Variants in FH observed in about 807,000 individuals in gnomAD.
FH encodes fumarate hydratase, also known as fumarate hydratase, mitochondrial.
Under a neutral mutation model 49.4 loss-of-function variants are expected in FH, and 22 were observed. The ratio of observed to expected loss-of-function variants is 0.45; its 90% CI spans 0.32 to 0.64. FH has a LOEUF of 0.64. FH is among the 30% of genes least tolerant of loss of function. The pLI, the probability that FH is intolerant of heterozygous loss-of-function variation, is 0.05. For synonymous variants in FH, 208 were observed against 223.0 expected (o/e 0.93, Z 0.60); for missense variants, 526 against 641.5 (o/e 0.82, Z 1.95).
At position 241,500,545 on chromosome 1, in the gene FH, C is replaced by G. The variant is rs1558396381; in HGVS notation, c.1282G>C (p.Val428Leu). 8 of 1,612,372 alleles carry G rather than the reference C, an allele frequency of 5.0e-6. No individual in the cohort carries two copies. Among genetic ancestry groups the G allele is most frequent in the Admixed American group, 3.3e-5 (2 of 59,758 alleles). ...HSARLLGDASVSFTENCVVGI... is the reference protein window; with the variant it reads ...HSARLLGDASLSFTENCVVGI... ...ACCACGCAGTTTTCTGTAAAGGAAA[C>G]TGAAGCATCCCCCAGCAGCCTGGCT... The change falls in exon 9 of 10, where the codon GTT (valine) becomes CTT (leucine). Residue 428 changes from valine (V) to leucine (L), a missense_variant. By Grantham distance (32) the Val-to-Leu change is conservative. Coordinates refer to ENST00000366560, the MANE Select transcript of FH (RefSeq NM_000143.4).
Position 241,500,737 on chromosome 1 carries a change from T to G in FH, c.1237-147A>C, listed in dbSNP as rs1004260118. ...TAAACATATAGATCTTCTACAAATT[T>G]TAAGGCACTATAACCAAGGAAACAA... On this transcript the variant is annotated intron_variant, in intron 8 of 9. Transcript: ENST00000366560. 4.3e-6 allele frequency: 5 copies of G among 1,160,266 alleles called. No individual in the cohort carries two copies. In the African/African-American group the frequency reaches 7.8e-5, roughly 18 times the overall value. 71.9% of individuals were successfully genotyped at this position (1,160,266 alleles called of 1,614,324 possible).
At chr1:241,504,984 T>A (rs771380838) in intron 6 of FH, among the ~76,000 whole-genome samples, 1 of 151,364 alleles carries the variant, frequency 6.6e-6, no homozygotes, top group South Asian at 2.1e-4. Flanking sequence ...TCTTGGCTCA[T>A]TGCAACCTCC....
At chr1:241,519,432 C>T (rs2147926647) in intron 1 of FH, 159 bp downstream of exon 1, 2 of 873,192 alleles carry the variant, frequency 2.3e-6, no homozygotes, top group South Asian at 2.0e-5. Context: ...CGTCCCGAGG[C>T]CGGGAGGCCC....
Position 241,512,105 on chromosome 1 carries a change from C to T in FH, c.417G>A (p.Val139=), listed in dbSNP as rs768341401. ...EGKLNDHFPL[V]VWQTGSGTQT... Reference sequence around the variant, plus strand: ...GAGTTCCTGATCCAGTCTGCCATACCACGAGAGGAAAATGATCATTTAATT... The same window carrying T: ...GAGTTCCTGATCCAGTCTGCCATACTACGAGAGGAAAATGATCATTTAATT... The change falls in exon 4 of 10, where the codon GTG becomes GTA. Residue 139 remains valine, a synonymous_variant. Coordinates refer to ENST00000366560, the MANE Select transcript of FH (RefSeq NM_000143.4). 2 of 1,613,788 alleles carry T rather than the reference C, an allele frequency of 1.2e-6. No homozygotes were observed. The highest frequency in any genetic ancestry group is 1.7e-6 in the Non-Finnish European group (2 of 1,179,848).
intron 5 of FH, 92 bp from the exon 6 acceptor site, chr1:241,506,260 C>T: frequency 1.1e-6 from 1 of 950,508 alleles, no homozygotes; most frequent in Non-Finnish European, 1.6e-6. Flanking sequence ...TTTAAAAATA[C>T]CTTTCAGAAT....
intron 9 of FH, 22 bp from the exon 10 acceptor site, chr1:241,497,992 G>C: frequency 6.2e-7 from 1 of 1,613,228 alleles, no homozygotes; most frequent in South Asian, 1.1e-5. Flanking sequence ...ATAAAAAGAC[G>C]ACATATGGGT....
At chr1:241,519,366 C>G in intron 1 of FH, 1 of 538,738 alleles carries the variant, frequency 1.9e-6, no homozygotes. Context: ...CTGACAGCCC[C>G]CGTCCCTCCC....
At chr1:241,504,337 G>A (rs993270626) in intron 6 of FH, 92 bp from the exon 7 acceptor site, 23 of 1,232,880 alleles carry the variant, frequency 1.9e-5, no homozygotes, top group Middle Eastern at 5.4e-4. Context: ...TCCAATATAC[G>A]AAAAAATAAA....
chr1:241,511,331 C>T (rs565324144), intron 4 of FH, among the ~76,000 whole-genome samples: 2 of 152,204 alleles, frequency 1.3e-5, no homozygotes, highest in Non-Finnish European at 2.9e-5. Flanking sequence ...GGACTTCTAG[C>T]TGCCAGAACT....
At chr1:241,515,663 A>G (rs1479552968) in intron 2 of FH, among the ~76,000 whole-genome samples, 1 of 152,264 alleles carries the variant, frequency 6.6e-6, no homozygotes. Flanking sequence ...GTGTTAAACA[A>G]TATCTCACAG....
chr1:241,512,293 T>C (rs1468100253), intron 3 of FH, 150 bp from the exon 4 acceptor site: 1 of 655,898 alleles, frequency 1.5e-6, no homozygotes, highest in Admixed American at 2.7e-5. Context: ...AAATATTATC[T>C]ATAGTGAATG....
At position 241,500,468 on chromosome 1, in the gene FH, T is replaced by G; in HGVS notation, c.1359A>C (p.Leu453=). ...ERINKLMNES[L]MLVTALNPHI... is the part of the protein sequence containing the mutation. ...GAGGATTGAGAGCTGTCACCAACATTAGAGACTCATTCATCAGCTTGTTGA... is the reference window on the plus strand; with the variant it reads ...GAGGATTGAGAGCTGTCACCAACATGAGAGACTCATTCATCAGCTTGTTGA... The change falls in exon 9 of 10, where the codon CTA becomes CTC. Residue 453 remains leucine, a synonymous_variant. Transcript: ENST00000366560. 6.2e-7 allele frequency: 1 copy of G among 1,614,036 alleles called. No homozygotes were observed. Among genetic ancestry groups the G allele is most frequent in the Non-Finnish European group, 8.5e-7 (1 of 1,179,948 alleles).
At chr1:241,508,577 G>C in intron 5 of FH, 26 bp downstream of exon 5, 1 of 1,598,584 alleles carries the variant, frequency 6.3e-7, no homozygotes, top group South Asian at 1.1e-5. Flanking sequence ...GCTCTAAATT[G>C]AATCAAATTA....
chr1:241,518,849 C>G lies in FH; in HGVS notation c.132+742G>C, dbSNP rs150606543. On this transcript the variant is annotated intron_variant, in intron 1 of 9. Coordinates refer to ENST00000366560, the MANE Select transcript of FH (RefSeq NM_000143.4). ...TTACGTAAGCATGTCATAACCTGAA[C>G]TTGGATCTTTAAGTTCTTAGCTGGC... is the stretch of plus-strand genomic sequence containing the variant. Among the ~76,000 whole-genome samples the G allele has an allele frequency of 8.7e-4, 132 of 152,330 alleles. 4 individuals are homozygous for G. In the South Asian group the frequency reaches 0.02, roughly 23 times the overall value.
intron 3 of FH, 71 bp from the exon 4 acceptor site, chr1:241,512,214 A>T (rs1660106449): frequency 2.9e-6 from 4 of 1,384,552 alleles, no homozygotes; most frequent in Non-Finnish European, 3.1e-6. Context: ...CAGAGTTTGA[A>T]TACAGTTGAC....
chr1:241,514,739 T>G (rs992966148), intron 2 of FH, among the ~76,000 whole-genome samples: 2 of 152,084 alleles, frequency 1.3e-5, no homozygotes, highest in African/African-American at 4.8e-5. Context: ...ACCAGAAAAT[T>G]TGAAATTTCA....
intron 3 of FH, 38 bp from the exon 4 acceptor site, chr1:241,512,181 AAAT>A (rs2147922081): frequency 6.4e-7 from 1 of 1,567,846 alleles, no homozygotes; most frequent in Non-Finnish European, 8.8e-7. Context: ...TTAAAAAAGG[AAAT>A]AATAATGCTG....
intron 8 of FH, among the ~76,000 whole-genome samples, chr1:241,500,818 G>A (rs1321854313): frequency 6.6e-6 from 1 of 152,060 alleles, no homozygotes; most frequent in Non-Finnish European, 1.5e-5. Context: ...AGGTGAAAAA[G>A]ACATAAATAC....
rs199704478 is a variant in FH, at chr1:241,497,777, C to T, written c.*51G>A. ...TTATCCGTTTTTAAGAAATGGGAGTCTGTTTTTTTAAATTTTATACATGTT... is the reference window on the plus strand; with the variant it reads ...TTATCCGTTTTTAAGAAATGGGAGTTTGTTTTTTTAAATTTTATACATGTT... On this transcript the variant is annotated 3_prime_UTR_variant, in exon 10 of 10. Coordinates refer to ENST00000366560, the MANE Select transcript of FH (RefSeq NM_000143.4). The T allele has an allele frequency of 6.7e-7, 1 of 1,487,838 alleles. No individual in the cohort carries two copies. Among genetic ancestry groups the T allele is most frequent in the Non-Finnish European group, 9.1e-7 (1 of 1,095,114 alleles). The allele number at this position is 1,487,838 out of a possible 1,614,324, so 92.2% of individuals were successfully genotyped here.
Sources: allele counts gnomAD v4.1 joint callset (sites outside exome capture counted in the v4.1 genomes callset), GRCh38; gene constraint gnomAD v4.1.1; transcripts MANE v1.5; gene names NCBI Gene and HGNC (gene_info 2026-07-23, HGNC 2026-07-21).